Variants in ALMS1 observed in about 807,000 individuals in gnomAD.
ALMS1 encodes ALMS1 centrosome and basal body associated protein, also known as centrosome-associated protein ALMS1.
ALMS1 carries 271 observed loss-of-function variants against 352.2 expected under a neutral mutation model. That is an observed-to-expected ratio of 0.77 (90% CI 0.70 to 0.85). The LOEUF is 0.85. Among genes scored for constraint, ALMS1 ranks in the 40% least tolerant of loss-of-function variants. The probability of loss-of-function intolerance (pLI) is 0.00; values close to 1 mark genes in which losing one functional copy is unlikely to be tolerated. For missense variants in ALMS1, 5,445 were observed against 4,870.7 expected, an observed-to-expected ratio of 1.12 and a Z score of -3.51; for synonymous variants, 1,865 against 1,761.2, an observed-to-expected ratio of 1.06 and a Z score of -1.48.
At chr2:73,504,556 C>G (rs560064318) in intron 10 of ALMS1, among the ~76,000 whole-genome samples, 20 of 152,230 alleles carry the variant, frequency 1.3e-4, no homozygotes, top group Admixed American at 1.2e-3. Context: ...GAGATGTGTT[C>G]TTCTTACTCA....
chr2:73,490,384 G>GA lies in ALMS1; in HGVS notation c.8430dup (p.Pro2811ThrfsTer13). On this transcript the variant is annotated frameshift_variant, in exon 10 of 23. Coordinates refer to ENST00000613296, the MANE Select transcript of ALMS1 (RefSeq NM_001378454.1). LOFTEE classifies it high-confidence loss of function. ...TGATTTTGAGCGTTCTTTTCAAGAA[G>GA]AAAAACCCTTAGAAAGATCAGATTT... The GA allele has an allele frequency of 6.2e-7, 1 of 1,613,638 alleles. No individual in the cohort carries two copies. Among genetic ancestry groups the GA allele is most frequent in the Non-Finnish European group, 8.5e-7 (1 of 1,179,850 alleles).
chr2:73,459,260 A>T (rs1384758895), intron 9 of ALMS1: 1 of 152,154 alleles, frequency 6.6e-6, no homozygotes. Context: ...GCTTGTCAGG[A>T]GGCACATTAT....
rs45447596 is a variant in ALMS1 at position 73,453,672 on chromosome 2, A to G, written c.7145A>G (p.Gln2382Arg). Residue 2382 changes from glutamine to arginine, a missense_variant, in exon 8 of 23, where the codon CAA becomes CGA. Gln to Arg is a conservative substitution (Grantham distance 43). Coordinates refer to ENST00000613296, the MANE Select transcript of ALMS1 (RefSeq NM_001378454.1). Reference sequence around the variant, plus strand: ...TTAGAAGAAACTCTTAGGCAATATCAAGCAGCCAAATCTGTAATGAGGTCT... The same window carrying G: ...TTAGAAGAAACTCTTAGGCAATATCGAGCAGCCAAATCTGTAATGAGGTCT... Reference protein sequence around the residue: ...MALEETLRQYQAAKSVMRSEP... With the variant: ...MALEETLRQYRAAKSVMRSEP... 70 of 1,614,036 alleles carry G rather than the reference A, an allele frequency of 4.3e-5. No homozygotes were observed. Among genetic ancestry groups the G allele is most frequent in the Non-Finnish European group, 5.8e-5 (69 of 1,180,026 alleles).
chr2:73,556,685 A>AT (rs1374956111), intron 13 of ALMS1, among the ~76,000 whole-genome samples: 3 of 145,460 alleles, frequency 2.1e-5, no homozygotes, highest in Admixed American at 2.1e-4. Context: ...CAAGGAACAG[A>AT]TTTTTTTTAG....
chr2:73,456,132 T>C (rs1416639687), intron 9 of ALMS1, among the ~76,000 whole-genome samples: 1 of 152,220 alleles, frequency 6.6e-6, no homozygotes, highest in East Asian at 1.9e-4. Flanking sequence ...CCAAATACTG[T>C]TGAAGTTCTT....
chr2:73,452,011 G>T lies in ALMS1; in HGVS notation c.5484G>T (p.Leu1828Phe), dbSNP rs376996058. The change falls in exon 8 of 23, where the codon TTG becomes TTT. Residue 1828 changes from leucine to phenylalanine, a missense_variant. Transcript: ENST00000613296. The part of the protein sequence containing the change: ...RELPHFTEAG[L>F]KILRVPGPAD... ...TGCCGCATTTTACTGAAGCAGGTTTGAAAATTTTAAGAGTTCCTGGACCAG... is the reference window on the plus strand; with the variant it reads ...TGCCGCATTTTACTGAAGCAGGTTTTAAAATTTTAAGAGTTCCTGGACCAG... The T allele has an allele frequency of 5.6e-6, 9 of 1,613,638 alleles. No individual in the cohort carries two copies. Among genetic ancestry groups the T allele is most frequent in the Non-Finnish European group, 7.6e-6 (9 of 1,179,814 alleles).
At chr2:73,593,139 T>C (rs1287212688) in intron 16 of ALMS1, among the ~76,000 whole-genome samples, 2 of 148,072 alleles carry the variant, frequency 1.4e-5, no homozygotes, top group Admixed American at 1.4e-4. Flanking sequence ...TCCCACGGAC[T>C]AAGGAAAGTG....
At chr2:73,466,496 AG>A (rs1261152930) in intron 9 of ALMS1, among the ~76,000 whole-genome samples, 9 of 19,350 alleles carry the variant, frequency 4.7e-4, no homozygotes, top group African/African-American at 1.6e-3. Context: ...GGGTGGGGGG[AG>A]GGGGGAGGGG....
At position 73,453,540 on chromosome 2, in the gene ALMS1, C is replaced by T. The variant is rs373004988; in HGVS notation, c.7013C>T (p.Thr2338Ile). Residue 2338 changes from threonine to isoleucine, a missense_variant, in exon 8 of 23, where the codon ACA becomes ATA. By Grantham distance (89) the Thr-to-Ile change is moderately conservative. Transcript: ENST00000613296. ...AGGTGCATACAGAAGGATATTGGCA[C>T]ACAGACGAATTTGAAATGCCGGAGA... ...SSRCIQKDIG[T>I]QTNLKCRRGI... The T allele has an allele frequency of 1.4e-5, 22 of 1,613,706 alleles. 1 individual carries two copies. In the Middle Eastern group the frequency reaches 4.9e-4, roughly 36 times the overall value.
intron 10 of ALMS1, among the ~76,000 whole-genome samples, chr2:73,504,288 G>A (rs752704200): frequency 1.3e-5 from 2 of 152,146 alleles, no homozygotes; most frequent in Admixed American, 6.6e-5. Flanking sequence ...ATGCATATAT[G>A]TGTAATTCTG....
chr2:73,602,106 G>A (rs1675705843), intron 19 of ALMS1, 79 bp from the exon 20 acceptor site: 1 of 1,408,272 alleles, frequency 7.1e-7, no homozygotes, highest in South Asian at 1.2e-5. Context: ...TTGGGCAGGT[G>A]GTGTGTCTCC....
chr2:73,389,832 G>A (rs1307997661), intron 1 of ALMS1, among the ~76,000 whole-genome samples: 3 of 152,046 alleles, frequency 2.0e-5, no homozygotes, highest in African/African-American at 7.2e-5. Flanking sequence ...TGGGATTACA[G>A]GTATCCACCA....
intron 1 of ALMS1, among the ~76,000 whole-genome samples, chr2:73,386,902 C>T (rs1203023118): frequency 6.6e-6 from 1 of 152,132 alleles, no homozygotes; most frequent in East Asian, 1.9e-4. Flanking sequence ...TACTGCTTTT[C>T]GAGGAGCAAG....
rs1446635577 is a variant in ALMS1 at position 73,490,650 on chromosome 2, T to C, written c.8691T>C (p.Asp2897=). 5 of 1,614,182 alleles carry C rather than the reference T, an allele frequency of 3.1e-6. No individual in the cohort carries two copies. Among genetic ancestry groups the C allele is most frequent in the Non-Finnish European group, 4.2e-6 (5 of 1,180,022 alleles). ...LFEQSKAPRA[D]DHVRKHHSPS... ...AACAAAGCAAAGCCCCACGTGCAGATGACCATGTGAGGAAACACCATTCTC... is the reference window on the plus strand; with the variant it reads ...AACAAAGCAAAGCCCCACGTGCAGACGACCATGTGAGGAAACACCATTCTC... Residue 2897 remains aspartate (D), a synonymous_variant, in exon 10 of 23, where the codon GAT becomes GAC. Transcript: ENST00000613296.
In ALMS1 at chr2:73,489,666, G is replaced by A; in HGVS notation, c.7707G>A (p.Lys2569=). The A allele has an allele frequency of 6.2e-7, 1 of 1,614,110 alleles. No homozygotes were observed. Among genetic ancestry groups the A allele is most frequent in the East Asian group, 2.2e-5 (1 of 44,882 alleles). The change falls in exon 10 of 23, where the codon AAG becomes AAA. Residue 2569 remains lysine (K), a synonymous_variant. Transcript: ENST00000613296. ...GLQSPRGMGC[K]PEAVCSHIII... is the part of the protein sequence containing the mutation. ...AGAGTCCACGGGGAATGGGATGCAA[G>A]CCAGAAGCTGTATGTAGTCACATTA... is the stretch of plus-strand genomic sequence containing the variant.
upstream of ALMS1, chr2:73,385,781 C>T (rs960911814): frequency 9.7e-6 from 6 of 619,358 alleles, no homozygotes; most frequent in African/African-American, 3.8e-5. Context: ...TGCGCCTAAG[C>T]TGGGCCACAA....
Position 73,424,884 on chromosome 2 carries a change from G to A in ALMS1, c.1219G>A (p.Ala407Thr), listed in dbSNP as rs2103716227. The change falls in exon 5 of 23, where the codon GCA (alanine) becomes ACA (threonine). Residue 407 changes from alanine (A) to threonine (T), a missense_variant. Ala to Thr is a moderately conservative substitution (Grantham distance 58). Coordinates refer to ENST00000613296, the MANE Select transcript of ALMS1 (RefSeq NM_001378454.1). ...YWTQEDSSKQ[A>T]ETYLTKGLQG... is the part of the protein sequence containing the mutation. ...GACACAGGAAGATTCATCTAAGCAG[G>A]CAGAAACATATTTAACCAGTAAGTA... is the stretch of plus-strand genomic sequence containing the variant. 6.2e-7 allele frequency: 1 copy of A among 1,601,856 alleles called. No homozygotes were observed. Among genetic ancestry groups the A allele is most frequent in the East Asian group, 2.2e-5 (1 of 44,642 alleles).
intron 11 of ALMS1, among the ~76,000 whole-genome samples, chr2:73,524,019 A>G (rs1414097592): frequency 2.0e-5 from 3 of 152,232 alleles, no homozygotes; most frequent in Non-Finnish European, 2.9e-5. Context: ...CATATGAGCA[A>G]TACAACCCTA....
intron 16 of ALMS1, among the ~76,000 whole-genome samples, chr2:73,580,174 C>A (rs1675144511): frequency 6.6e-6 from 1 of 152,122 alleles, no homozygotes; most frequent in Non-Finnish European, 1.5e-5. Context: ...GAACTCTGGG[C>A]TCAAGAAATC....
Sources: gnomAD v4.1 joint callset for allele counts (sites outside exome capture counted in the v4.1 genomes callset) on GRCh38, gnomAD v4.1.1 for gene constraint, MANE v1.5 for transcripts, NCBI Gene and HGNC (gene_info 2026-07-23, HGNC 2026-07-21) for gene names.